The following KCND3 variants were observed in gnomAD, a reference collection of about 807,000 sequenced individuals.
KCND3 encodes A-type voltage-gated potassium channel KCND3.
KCND3 carries 9 observed loss-of-function variants against 51.1 expected under a neutral mutation model. The observed-to-expected ratio is 0.18, with a 90% CI of 0.11 to 0.31. The LOEUF (loss-of-function observed/expected upper bound fraction) is 0.31, where lower values mean the gene tolerates loss of function less well. Among genes scored for constraint, KCND3 ranks in the 10% least tolerant of loss-of-function variants. The pLI, the probability that KCND3 is intolerant of heterozygous loss-of-function variation, is 1.00. For missense variants in KCND3, 526 were observed against 903.8 expected, an observed-to-expected ratio of 0.58 and a Z score of 5.36; for synonymous variants, 349 against 368.0, an observed-to-expected ratio of 0.95 and a Z score of 0.59.
At chr1:111,933,531 C>T (rs562770341) in intron 2 of KCND3, among the ~76,000 whole-genome samples, 1 of 152,064 alleles carries the variant, frequency 6.6e-6, no homozygotes, top group East Asian at 1.9e-4. Flanking sequence ...GAAATTATTG[C>T]AGCATCTCTT....
At chr1:111,859,379 C>CG in intron 2 of KCND3, among the ~76,000 whole-genome samples, 1 of 152,308 alleles carries the variant, frequency 6.6e-6, no homozygotes, top group Non-Finnish European at 1.5e-5. Context: ...GGACTGGCAT[C>CG]GCGGGAAAGG....
chr1:111,860,803 G>A (rs1453482314), intron 2 of KCND3, among the ~76,000 whole-genome samples: 2 of 152,236 alleles, frequency 1.3e-5, no homozygotes, highest in Non-Finnish European at 2.9e-5. Flanking sequence ...CTCCCGGGTT[G>A]ACCAGATGTT....
intron 2 of KCND3, among the ~76,000 whole-genome samples, chr1:111,961,087 G>A (rs1210218407): frequency 6.6e-6 from 1 of 152,206 alleles, no homozygotes; most frequent in Non-Finnish European, 1.5e-5. Flanking sequence ...CTCTGTCCAG[G>A]GACCCGGGCT....
intron 2 of KCND3, among the ~76,000 whole-genome samples, chr1:111,850,099 C>G (rs1032267596): frequency 6.6e-6 from 1 of 152,162 alleles, no homozygotes; most frequent in Non-Finnish European, 1.5e-5. Flanking sequence ...TGCATCTTAC[C>G]ACCTTTAACT....
chr1:111,911,902 C>T (rs184203066), intron 2 of KCND3, among the ~76,000 whole-genome samples: 1 of 152,320 alleles, frequency 6.6e-6, no homozygotes, highest in Admixed American at 6.5e-5. Flanking sequence ...CTGCCTGCAT[C>T]GGATTTCCAG....
At position 111,881,252 on chromosome 1, in the gene KCND3, C is replaced by T. The variant is rs17028929; in HGVS notation, c.1107-94146G>A. 6.3e-3 allele frequency among the ~76,000 whole-genome samples: 963 copies of T among 152,314 alleles called. 9 individuals are homozygous for T. The highest frequency in any genetic ancestry group is 0.021 in the African/African-American group (883 of 41,564). On this transcript the variant is annotated intron_variant, in intron 2 of 7. Coordinates refer to ENST00000302127, the MANE Select transcript of KCND3 (RefSeq NM_001378969.1). ...TTTTTTTAATCCCAAGCAAGCAATT[C>T]GGGATTAACTCGACATTTGTCAGCT...
intron 2 of KCND3, chr1:111,910,042 G>A (rs1172854351): frequency 2.6e-5 from 4 of 152,214 alleles, no homozygotes; most frequent in Non-Finnish European, 5.9e-5. Flanking sequence ...TAAATTTTCA[G>A]TGGCCTGGGA....
chr1:111,796,801 C>A (rs1665075263), intron 2 of KCND3, among the ~76,000 whole-genome samples: 1 of 152,202 alleles, frequency 6.6e-6, no homozygotes, highest in South Asian at 2.1e-4. Flanking sequence ...AACCTAGAAA[C>A]CCTGCTGGGA....
intron 2 of KCND3, among the ~76,000 whole-genome samples, chr1:111,911,595 T>A (rs1325572933): frequency 6.6e-6 from 1 of 152,196 alleles, no homozygotes; most frequent in African/African-American, 2.4e-5. Context: ...GTGAAGACTG[T>A]TGACCAGGGC....
intron 2 of KCND3, among the ~76,000 whole-genome samples, chr1:111,805,369 C>A (rs1571666016): frequency 6.6e-6 from 1 of 152,162 alleles, no homozygotes; most frequent in African/African-American, 2.4e-5. Context: ...ATGCCACAAC[C>A]TGGGTGGGCA....
intron 2 of KCND3, among the ~76,000 whole-genome samples, chr1:111,931,526 C>A (rs182409227): frequency 9.9e-5 from 15 of 152,236 alleles, no homozygotes; most frequent in Non-Finnish European, 1.8e-4. Flanking sequence ...GATTCTAGAG[C>A]CTGGGTTCAA....
rs542079309 is a variant in KCND3, at chr1:111,810,199, C to G, written c.1107-23093G>C. ...GAATAAACTGGGTGAGCGACTGTGG[C>G]TCTTCTCACTTCTGGCTTTTATGTC... On this transcript the variant is annotated intron_variant, in intron 2 of 7. Transcript: ENST00000302127. Among the ~76,000 whole-genome samples, 54 of 152,320 alleles carry G rather than the reference C, an allele frequency of 3.5e-4. No homozygotes were observed. The South Asian group carries it at 5.6e-3, about 16-fold the overall frequency.
intron 5 of KCND3, among the ~76,000 whole-genome samples, chr1:111,779,099 C>T (rs1170714619): frequency 6.6e-6 from 1 of 152,178 alleles, no homozygotes; most frequent in Non-Finnish European, 1.5e-5. Context: ...GTTTGCAGAG[C>T]ACCTTCCCAT....
At position 111,780,417 on chromosome 1, in the gene KCND3, A is replaced by T. The variant is rs575131003; in HGVS notation, c.1372-103T>A. The T allele has an allele frequency of 6.0e-6, 7 of 1,171,620 alleles. No homozygotes were observed. Among genetic ancestry groups the T allele is most frequent in the East Asian group, 2.6e-5 (1 of 38,922 alleles). The allele number at this position is 1,171,620 out of a possible 1,614,324, so 72.6% of individuals were successfully genotyped here. ...GGTCAAAGGGCAATAGAATAATCAA[A>T]TTTTTTTTTATTTGACCAAATTTCA... On this transcript the variant is annotated intron_variant, in intron 4 of 7. Coordinates refer to ENST00000302127, the MANE Select transcript of KCND3 (RefSeq NM_001378969.1). This position sits in a 1 kb window ranked among gnomAD's most constrained non-coding sequence, Gnocchi z 4.2.
At chr1:111,860,196 G>A (rs983731148) in intron 2 of KCND3, among the ~76,000 whole-genome samples, 3 of 152,256 alleles carry the variant, frequency 2.0e-5, no homozygotes, top group Non-Finnish European at 4.4e-5. Context: ...TAAAAGGTAA[G>A]TTGCACACGT....
chr1:111,811,994 G>A (rs915298838), intron 2 of KCND3, among the ~76,000 whole-genome samples: 5 of 152,174 alleles, frequency 3.3e-5, no homozygotes, highest in Admixed American at 2.6e-4. Flanking sequence ...GCAGTGCCAC[G>A]CCGGGCACGT....
intron 2 of KCND3, among the ~76,000 whole-genome samples, chr1:111,903,561 C>G (rs549181238): frequency 6.6e-6 from 1 of 152,244 alleles, no homozygotes; most frequent in Non-Finnish European, 1.5e-5. Context: ...AGCAGGGTGA[C>G]TTGCATCTAC....
chr1:111,842,681 A>T (rs1257602267), intron 2 of KCND3, among the ~76,000 whole-genome samples: 1 of 152,160 alleles, frequency 6.6e-6, no homozygotes, highest in Non-Finnish European at 1.5e-5. Context: ...CATCTGTAGG[A>T]CTGTCTCTGT....
chr1:111,913,779 C>T (rs1045487964), intron 2 of KCND3, among the ~76,000 whole-genome samples: 12 of 152,094 alleles, frequency 7.9e-5, no homozygotes, highest in East Asian at 1.9e-4. Context: ...ACCTCTGATC[C>T]GAGCGACTCA....
Sources: allele counts gnomAD v4.1 joint callset (sites outside exome capture counted in the v4.1 genomes callset), GRCh38; gene constraint gnomAD v4.1.1; non-coding constraint Gnocchi (gnomAD v3.1); transcripts MANE v1.5; gene names NCBI Gene and HGNC (gene_info 2026-07-23, HGNC 2026-07-21).